CACNA1A: variants seen among roughly 807,000 people sequenced by gnomAD.
The protein encoded by CACNA1A is calcium voltage-gated channel subunit alpha1 A.
CACNA1A carries 57 observed loss-of-function variants against 262.4 expected under a neutral mutation model. The observed-to-expected ratio is 0.22, with a 90% CI of 0.18 to 0.27. The LOEUF (loss-of-function observed/expected upper bound fraction) is 0.27, where lower values mean the gene tolerates loss of function less well. CACNA1A is among the 10% of genes least tolerant of loss of function. The pLI is 1.00. For missense variants in CACNA1A, 2,526 were observed against 3,562.8 expected, an observed-to-expected ratio of 0.71 and a Z score of 7.41; for synonymous variants, 1,431 against 1,419.3, an observed-to-expected ratio of 1.01 and a Z score of -0.18.
At chr19:13,312,817 G>C in intron 11 of CACNA1A, 36 bp from the exon 12 acceptor site, 1 of 1,087,680 alleles carries the variant, frequency 9.2e-7, no homozygotes, top group Non-Finnish European at 1.3e-6. Context: ...GAGGAGGTTA[G>C]GCTTGCTGAG....
At chr19:13,262,427 C>A in intron 25 of CACNA1A, 1 of 244,778 alleles carries the variant, frequency 4.1e-6, no homozygotes, top group East Asian at 8.6e-5. Flanking sequence ...CTAGTTCCTG[C>A]TTCCCAGATC....
chr19:13,340,655 G>A (rs1416914596), intron 6 of CACNA1A, among the ~76,000 whole-genome samples: 3 of 151,982 alleles, frequency 2.0e-5, no homozygotes, highest in Admixed American at 6.6e-5. Context: ...TCGAACTCCC[G>A]ACCTCAGGCG....
intron 3 of CACNA1A, among the ~76,000 whole-genome samples, chr19:13,421,099 G>A (rs942634215): frequency 1.3e-5 from 2 of 152,198 alleles, no homozygotes; most frequent in Non-Finnish European, 2.9e-5. Context: ...GACCAGTTAA[G>A]TTTTGATTGT....
At chr19:13,453,128 C>T (rs2060945233) in intron 2 of CACNA1A, 113 bp from the exon 3 acceptor site, 1 of 1,066,960 alleles carries the variant, frequency 9.4e-7, no homozygotes, top group Non-Finnish European at 1.4e-6. Flanking sequence ...TCCCCTGACC[C>T]TCCTGCACTC....
chr19:13,426,853 C>A (rs563916585), intron 3 of CACNA1A, among the ~76,000 whole-genome samples: 2 of 152,260 alleles, frequency 1.3e-5, no homozygotes, highest in South Asian at 2.1e-4. Flanking sequence ...CTGTTTAAAC[C>A]CAAGGGAATG....
In CACNA1A at chr19:13,301,416, C is replaced by T. The variant is rs1249152508; in HGVS notation, c.2173-760G>A. Among the ~76,000 whole-genome samples the T allele has an allele frequency of 2.0e-5, 3 of 152,214 alleles. No individual in the cohort carries two copies. In the East Asian group the frequency reaches 5.8e-4, roughly 29 times the overall value. Reference sequence around the variant, plus strand: ...GATGGCCCCTGCCATGCACTGTCAACAGCCCCCAGAAGGAGAATGAGGAGA... The same window carrying T: ...GATGGCCCCTGCCATGCACTGTCAATAGCCCCCAGAAGGAGAATGAGGAGA... On this transcript the variant is annotated intron_variant, in intron 17 of 46. Coordinates refer to ENST00000360228, the MANE Select transcript of CACNA1A (RefSeq NM_001127222.2).
intron 3 of CACNA1A, chr19:13,451,383 T>C (rs2060911682): frequency 6.6e-6 from 1 of 152,108 alleles, no homozygotes. Context: ...ATGAAAAAGG[T>C]GTCCAGTGAA....
Position 13,212,316 on chromosome 19 carries a change from G to C in CACNA1A, c.6189+68C>G. ...AGCTGCAGGTGTGTGTGTGTGGGGGGCCCAGATCCCTTCCACCTGAACCAC... is the reference window on the plus strand; with the variant it reads ...AGCTGCAGGTGTGTGTGTGTGGGGGCCCCAGATCCCTTCCACCTGAACCAC... On this transcript the variant is annotated intron_variant, in intron 42 of 46. Coordinates refer to ENST00000360228, the MANE Select transcript of CACNA1A (RefSeq NM_001127222.2). This position sits in a 1 kb window ranked among gnomAD's most constrained non-coding sequence, Gnocchi z 5.6. 1 of 1,577,622 alleles carries C rather than the reference G, an allele frequency of 6.3e-7. No individual in the cohort carries two copies. The highest frequency in any genetic ancestry group is 8.7e-7 in the Non-Finnish European group (1 of 1,149,986).
intron 22 of CACNA1A, among the ~76,000 whole-genome samples, chr19:13,279,645 C>A (rs1043419716): frequency 6.6e-5 from 10 of 151,982 alleles, no homozygotes; most frequent in Non-Finnish European, 1.5e-5. Context: ...CTACCACGCC[C>A]GGCTAATTTT....
chr19:13,413,109 TTTTG>T (rs1390654610), intron 3 of CACNA1A, among the ~76,000 whole-genome samples: 2,999 of 150,788 alleles, frequency 0.02, 111 homozygotes, highest in African/African-American at 0.07. Context: ...TGTTTTTTTT[TTTTG>T]TTTTTTTTTT....
Position 13,366,771 on chromosome 19 carries a change from CTT to C in CACNA1A, c.632-1304_632-1303del, listed in dbSNP as rs1291480589. Among the ~76,000 whole-genome samples the C allele has an allele frequency of 6.6e-5, 10 of 152,066 alleles. No homozygotes were observed. The East Asian group carries it at 1.9e-3, about 29-fold the overall frequency. On this transcript the variant is annotated intron_variant, in intron 4 of 46. Transcript: ENST00000360228. Reference sequence around the variant, plus strand: ...TTTTTTTTCTGCCAAGAGGCGGTGTCTTTTCCTCATTCATAAAAGGCCGCCAT... The same window carrying C: ...TTTTTTTTCTGCCAAGAGGCGGTGTCTTCCTCATTCATAAAAGGCCGCCAT...
chr19:13,404,444 G>A (rs1339124420), intron 3 of CACNA1A, among the ~76,000 whole-genome samples: 1 of 152,198 alleles, frequency 6.6e-6, no homozygotes, highest in East Asian at 1.9e-4. Flanking sequence ...TGGCGCTGGA[G>A]TCAATTGTTG....
chr19:13,358,444 T>C (rs1229797060), intron 6 of CACNA1A, among the ~76,000 whole-genome samples: 1 of 152,192 alleles, frequency 6.6e-6, no homozygotes, highest in Non-Finnish European at 1.5e-5. Context: ...GTGAAGAGAC[T>C]GTCCATGTCC....
rs1436758638 is a variant in CACNA1A, at chr19:13,285,185, T to A, written c.3575A>T (p.Asp1192Val). ...VVQVNKNANPDPLPKKEEEKK... is the reference protein window; with the variant it reads ...VVQVNKNANPVPLPKKEEEKK... Reference sequence around the variant, plus strand: ...CTCTTCCTCTTTTTTTGGCAGTGGGTCTGGGTTGGCGTTTTTGTTCACTGT... The same window carrying A: ...CTCTTCCTCTTTTTTTGGCAGTGGGACTGGGTTGGCGTTTTTGTTCACTGT... The change falls in exon 21 of 47, where the codon GAC (aspartate) becomes GTC (valine). Residue 1192 changes from aspartate (D) to valine (V), a missense_variant. This residue lies in a region of CACNA1A where 765 missense variants were observed against 748.6 expected (regional missense o/e 1.02). Coordinates refer to ENST00000360228, the MANE Select transcript of CACNA1A (RefSeq NM_001127222.2). 6.2e-7 allele frequency: 1 copy of A among 1,613,814 alleles called. No individual in the cohort carries two copies. The highest frequency in any genetic ancestry group is 8.5e-7 in the Non-Finnish European group (1 of 1,179,870).
intron 1 of CACNA1A, among the ~76,000 whole-genome samples, chr19:13,474,482 A>G (rs1280702004): frequency 6.6e-6 from 1 of 152,150 alleles, no homozygotes; most frequent in Non-Finnish European, 1.5e-5. Flanking sequence ...GAACAGGCAA[A>G]GGGGAGGTGG....
intron 45 of CACNA1A, 24 bp from the exon 46 acceptor site, chr19:13,209,033 G>C (rs1346753678): frequency 2.6e-6 from 4 of 1,536,878 alleles, no homozygotes; most frequent in Admixed American, 2.0e-5. Context: ...GGGTCAGACA[G>C]ACACACAGGT....
At chr19:13,424,347 C>T (rs185070056) in intron 3 of CACNA1A, among the ~76,000 whole-genome samples, 11 of 152,290 alleles carry the variant, frequency 7.2e-5, no homozygotes, top group Admixed American at 6.5e-4. Flanking sequence ...CCAGCCTGGG[C>T]AACAAGAGTG....
In CACNA1A at chr19:13,317,196, T is replaced by A. The variant is rs776209937; in HGVS notation, c.1471A>T (p.Thr491Ser). ...RMVKTQAFYWTVLSLVALNTL... is the reference protein window; with the variant it reads ...RMVKTQAFYWSVLSLVALNTL... Reference sequence around the variant, plus strand: ...TTGAGAGCTACCAAACTGAGTACAGTCCAGTAGAAGGCCTGAGTTTTGACC... The same window carrying A: ...TTGAGAGCTACCAAACTGAGTACAGACCAGTAGAAGGCCTGAGTTTTGACC... The change falls in exon 11 of 47, where the codon ACT becomes TCT. Residue 491 changes from threonine (T) to serine (S), a missense_variant. Physicochemically the swap from Thr to Ser is moderately conservative, Grantham distance 58 (BLOSUM62 1). Coordinates refer to ENST00000360228, the MANE Select transcript of CACNA1A (RefSeq NM_001127222.2). 2 of 1,613,694 alleles carry A rather than the reference T, an allele frequency of 1.2e-6. No individual in the cohort carries two copies. Among genetic ancestry groups the A allele is most frequent in the Non-Finnish European group, 1.7e-6 (2 of 1,179,732 alleles).
At chr19:13,230,031 T>C (rs1167125612) in intron 36 of CACNA1A, 51 bp downstream of exon 36, 4 of 1,594,030 alleles carry the variant, frequency 2.5e-6, no homozygotes, top group Non-Finnish European at 3.4e-6. Flanking sequence ...CGTGTTCCAG[T>C]TCCAGGGAGA....
Sources: allele counts gnomAD v4.1 joint callset (sites outside exome capture counted in the v4.1 genomes callset), GRCh38; gene constraint gnomAD v4.1.1; regional missense constraint gnomAD v4.1.1; non-coding constraint Gnocchi (gnomAD v3.1); transcripts MANE v1.5; gene names NCBI Gene and HGNC (gene_info 2026-07-23, HGNC 2026-07-21).